The following DPYD variants were observed in gnomAD, a reference collection of about 807,000 sequenced individuals.
DPYD encodes the protein dihydropyrimidine dehydrogenase [NADP(+)].
Under a neutral mutation model 116.2 loss-of-function variants are expected in DPYD, and 109 were observed. The observed-to-expected ratio is 0.94, with a 90% CI of 0.80 to 1.10. DPYD has a LOEUF of 1.10. DPYD is among the 50% of genes least tolerant of loss of function. The pLI is 0.00. For missense variants in DPYD, 1,302 were observed against 1,254.5 expected, an observed-to-expected ratio of 1.04 and a Z score of -0.57; for synonymous variants, 440 against 432.0, an observed-to-expected ratio of 1.02 and a Z score of -0.23.
intron 20 of DPYD, among the ~76,000 whole-genome samples, chr1:97,105,140 A>T (rs1651043089): frequency 6.6e-6 from 1 of 152,130 alleles, no homozygotes; most frequent in South Asian, 2.1e-4. Context: ...TAAAGTAAGT[A>T]TTTTTGAAGA....
intron 10 of DPYD, among the ~76,000 whole-genome samples, chr1:97,575,353 C>T (rs1653197164): frequency 6.6e-6 from 1 of 151,754 alleles, no homozygotes; most frequent in Admixed American, 6.6e-5. Flanking sequence ...TCAAGAAGAG[C>T]TAAAGTATGT....
chr1:97,422,711 A>G (rs1363518456), intron 14 of DPYD, among the ~76,000 whole-genome samples: 1 of 152,194 alleles, frequency 6.6e-6, no homozygotes, highest in African/African-American at 2.4e-5. Flanking sequence ...TTCTGAGAAT[A>G]CAGTATTCAA....
intron 2 of DPYD, among the ~76,000 whole-genome samples, chr1:97,830,206 CAT>C (rs1207441066): frequency 1.3e-5 from 2 of 152,170 alleles, no homozygotes; most frequent in Non-Finnish European, 2.9e-5. Flanking sequence ...CCTCAATAAA[CAT>C]ATGTGTGTAT....
intron 19 of DPYD, among the ~76,000 whole-genome samples, chr1:97,225,166 C>G (rs909725446): frequency 2.0e-5 from 3 of 151,968 alleles, no homozygotes; most frequent in Non-Finnish European, 4.4e-5. Flanking sequence ...TTTTGAGGAA[C>G]CTCCATATTG....
At chr1:97,278,324 T>C (rs1665089391) in intron 18 of DPYD, among the ~76,000 whole-genome samples, 1 of 152,164 alleles carries the variant, frequency 6.6e-6, no homozygotes, top group Admixed American at 6.6e-5. Flanking sequence ...AATCTGTGTT[T>C]TTGATAATCT....
intron 3 of DPYD, among the ~76,000 whole-genome samples, chr1:97,809,397 C>T (rs1010790510): frequency 4.6e-5 from 7 of 152,200 alleles, no homozygotes; most frequent in Admixed American, 2.6e-4. Flanking sequence ...ACCCTCACCA[C>T]ACCTCCAGCC....
At chr1:97,752,505 T>G (rs1664989956) in intron 3 of DPYD, among the ~76,000 whole-genome samples, 1 of 152,202 alleles carries the variant, frequency 6.6e-6, no homozygotes, top group Non-Finnish European at 1.5e-5. Flanking sequence ...GACATTCTCC[T>G]TAAGGGGAGA....
intron 20 of DPYD, among the ~76,000 whole-genome samples, chr1:97,121,884 T>G (rs1652466447): frequency 1.3e-5 from 2 of 152,158 alleles, no homozygotes; most frequent in Non-Finnish European, 2.9e-5. Context: ...ATAGGTACCA[T>G]GCTTGGCACT....
chr1:97,360,840 C>T (rs1040231345), intron 16 of DPYD, among the ~76,000 whole-genome samples: 3 of 152,118 alleles, frequency 2.0e-5, no homozygotes, highest in East Asian at 3.9e-4. Flanking sequence ...TAAATGCCCA[C>T]AAGAGAAAGC....
chr1:97,336,811 G>A (rs1237850281), intron 16 of DPYD, among the ~76,000 whole-genome samples: 1 of 152,142 alleles, frequency 6.6e-6, no homozygotes, highest in East Asian at 1.9e-4. Flanking sequence ...GGAAAGCTGA[G>A]TTCTACTTCT....
chr1:97,635,813 T>A (rs1251567563), intron 8 of DPYD, among the ~76,000 whole-genome samples: 1 of 152,224 alleles, frequency 6.6e-6, no homozygotes, highest in East Asian at 1.9e-4. Context: ...CATAATTGTT[T>A]TTATTTGTTT....
rs191624161 is a variant in DPYD at position 97,770,572 on chromosome 1, G to C, written c.234-30093C>G. On this transcript the variant is annotated intron_variant, in intron 3 of 22. Coordinates refer to ENST00000370192, the MANE Select transcript of DPYD (RefSeq NM_000110.4). ...CTGTAGTGACTAACACTGTACATGA[G>C]AACAAACTGTTTTCAAACTGTTTTG... Among the ~76,000 whole-genome samples the C allele has an allele frequency of 1.5e-3, 232 of 152,244 alleles. 1 individual carries two copies. Among genetic ancestry groups the C allele is most frequent in the South Asian group, 6.0e-3 (29 of 4,822 alleles).
chr1:97,617,838 C>T (rs966179976), intron 8 of DPYD, among the ~76,000 whole-genome samples: 3 of 152,166 alleles, frequency 2.0e-5, no homozygotes, highest in African/African-American at 4.8e-5. Flanking sequence ...GATTCCTACA[C>T]GCATTAAAGT....
intron 20 of DPYD, among the ~76,000 whole-genome samples, chr1:97,107,357 G>A (rs1194219088): frequency 2.0e-5 from 3 of 152,080 alleles, no homozygotes; most frequent in Admixed American, 6.6e-5. Context: ...AATGTTGGTG[G>A]ACAACCTGGG....
At chr1:97,096,390 A>G (rs1650250085) in intron 21 of DPYD, among the ~76,000 whole-genome samples, 1 of 152,112 alleles carries the variant, frequency 6.6e-6, no homozygotes, top group Non-Finnish European at 1.5e-5. Context: ...TCCTTTAGAA[A>G]TTTTTACACC....
chr1:97,720,611 G>T (rs1257770787), intron 5 of DPYD: 1 of 1,177,572 alleles, frequency 8.5e-7, no homozygotes, highest in Non-Finnish European at 1.0e-6. Context: ...AGAGCAAAGT[G>T]AGACTTAAGC....
At chr1:97,770,506 G>A (rs1458203380) in intron 3 of DPYD, among the ~76,000 whole-genome samples, 2 of 152,140 alleles carry the variant, frequency 1.3e-5, no homozygotes, top group African/African-American at 4.8e-5. Flanking sequence ...TGCTCTGCAT[G>A]TAAAGGAGAA....
chr1:97,882,160 A>G (rs1340866366), intron 2 of DPYD, among the ~76,000 whole-genome samples: 1 of 151,934 alleles, frequency 6.6e-6, no homozygotes, highest in Non-Finnish European at 1.5e-5. Context: ...CCTTTTAGAG[A>G]CCTCTACTAG....
chr1:97,882,016 A>T lies in DPYD; in HGVS notation c.150+1248T>A, dbSNP rs538047444. Among the ~76,000 whole-genome samples, 3 of 149,236 alleles carry T rather than the reference A, an allele frequency of 2.0e-5. No homozygotes were observed. In the South Asian group the frequency reaches 6.2e-4, roughly 31 times the overall value. The stretch of plus-strand genomic sequence containing the variant: ...CTAAAACTTAAAGTATAATAATAAT[A>T]AAAAAAAGAAAAAAAACTATAATAA... On this transcript the variant is annotated intron_variant, in intron 2 of 22. Coordinates refer to ENST00000370192, the MANE Select transcript of DPYD (RefSeq NM_000110.4).
Sources: allele counts gnomAD v4.1 joint callset (sites outside exome capture counted in the v4.1 genomes callset), GRCh38; gene constraint gnomAD v4.1.1; transcripts MANE v1.5; gene names NCBI Gene and HGNC (gene_info 2026-07-23, HGNC 2026-07-21).